The following SERINC1 variants were observed in gnomAD, a reference collection of about 807,000 sequenced individuals.
The protein encoded by SERINC1 is serine incorporator 1.
Under a neutral mutation model 52.9 loss-of-function variants are expected in SERINC1, and 38 were observed. That is an observed-to-expected ratio of 0.72 (90% CI 0.55 to 0.94). SERINC1 has a LOEUF of 0.94. SERINC1 is among the 40% of genes least tolerant of loss of function. The probability of loss-of-function intolerance (pLI) is 0.00; values close to 1 mark genes in which losing one functional copy is unlikely to be tolerated. For missense variants in SERINC1, 471 were observed against 533.9 expected, an observed-to-expected ratio of 0.88 and a Z score of 1.16; for synonymous variants, 198 against 183.1, an observed-to-expected ratio of 1.08 and a Z score of -0.66.
At position 122,443,763 on chromosome 6, in the gene SERINC1, G is replaced by A. The variant is rs1029007130; in HGVS notation, c.*1281C>T. On this transcript the variant is annotated 3_prime_UTR_variant, in exon 10 of 10. Transcript: ENST00000339697. ...ACATAAATTATCCACCAGTAATGAG[G>A]TGTAAAATCAATTATGCATGTATTT... The A allele has an allele frequency of 6.6e-6, 1 of 152,122 alleles. No homozygotes were observed. The highest frequency in any genetic ancestry group is 1.5e-5 in the Non-Finnish European group (1 of 68,016). The allele number at this position is 152,122 out of a possible 1,614,324, so 9.4% of individuals were successfully genotyped here. A position where few individuals can be genotyped will look rare whatever the true frequency, so the allele number is the denominator to read the frequency against.
Position 122,471,755 on chromosome 6 carries a change from A to G in SERINC1, c.-18T>C. The G allele has an allele frequency of 6.2e-7, 1 of 1,614,068 alleles. No homozygotes were observed. The highest frequency in any genetic ancestry group is 8.5e-7 in the Non-Finnish European group (1 of 1,179,970). ...CTCCCCATCTCCACAACGTCACAAG[A>G]GCAGCGGATACAGACAAGATGGAGA... On this transcript the variant is annotated 5_prime_UTR_variant, in exon 1 of 10. Coordinates refer to ENST00000339697, the MANE Select transcript of SERINC1 (RefSeq NM_020755.4).
At chr6:122,457,336 G>A (rs564294494) in intron 2 of SERINC1, among the ~76,000 whole-genome samples, 1 of 152,242 alleles carries the variant, frequency 6.6e-6, no homozygotes, top group Admixed American at 6.5e-5. Context: ...TGCTCACTCT[G>A]AATGATCTTC....
chr6:122,469,496 C>T (rs1775239444), intron 1 of SERINC1, among the ~76,000 whole-genome samples: 1 of 151,632 alleles, frequency 6.6e-6, no homozygotes. Context: ...CCTGCCTCAG[C>T]CACCCGAGTG....
chr6:122,464,659 A>G (rs1224254490), intron 1 of SERINC1, among the ~76,000 whole-genome samples: 1 of 152,210 alleles, frequency 6.6e-6, no homozygotes, highest in African/African-American at 2.4e-5. Context: ...TTCAAAAACC[A>G]AAGAACTTAG....
chr6:122,465,952 G>C (rs1399296256), intron 1 of SERINC1, among the ~76,000 whole-genome samples: 1 of 152,080 alleles, frequency 6.6e-6, no homozygotes, highest in African/African-American at 2.4e-5. Flanking sequence ...AAATGGAACA[G>C]AGGCCAGGAA....
rs1774951187 is a variant in SERINC1, at chr6:122,453,775, T to C, written c.584A>G (p.Tyr195Cys). 1 of 1,600,824 alleles carries C rather than the reference T, an allele frequency of 6.2e-7. No individual in the cohort carries two copies. Among genetic ancestry groups the C allele is most frequent in the Non-Finnish European group, 8.5e-7 (1 of 1,171,454 alleles). The stretch of plus-strand genomic sequence containing the variant: ...GTTCTGCGACGAAAGCTTACCTGCA[T>C]ACCAACATCTCGAGTTCCCTTCTTC... ...KMEEGNSRCW[Y>C]AALLSATALN... The change falls in exon 5 of 10, where the codon TAT (tyrosine) becomes TGT (cysteine). Residue 195 changes from tyrosine to cysteine, a missense_variant. Transcript: ENST00000339697.
intron 2 of SERINC1, among the ~76,000 whole-genome samples, chr6:122,458,165 C>A (rs1775034609): frequency 6.6e-6 from 1 of 152,078 alleles, no homozygotes; most frequent in Non-Finnish European, 1.5e-5. Flanking sequence ...AGTATAGATA[C>A]TTTGCTTGAA....
intron 2 of SERINC1, among the ~76,000 whole-genome samples, chr6:122,457,336 G>C (rs564294494): frequency 6.6e-6 from 1 of 152,124 alleles, no homozygotes; most frequent in Non-Finnish European, 1.5e-5. Context: ...TGCTCACTCT[G>C]AATGATCTTC....
intron 1 of SERINC1, among the ~76,000 whole-genome samples, 158 bp from the exon 2 acceptor site, chr6:122,458,839 T>C (rs1775049186): frequency 6.6e-6 from 1 of 152,092 alleles, no homozygotes; most frequent in Non-Finnish European, 1.5e-5. Flanking sequence ...ATATAAATTA[T>C]CTATATACCA....
At chr6:122,451,798 A>ATATAT in intron 6 of SERINC1, 44 bp from the exon 7 acceptor site, 1 of 480,728 alleles carries the variant, frequency 2.1e-6, no homozygotes, top group Non-Finnish European at 3.0e-6. Flanking sequence ...TATATATAGC[A>ATATAT]ACACAGGTAA....
intron 6 of SERINC1, 47 bp downstream of exon 6, chr6:122,451,841 T>C: frequency 7.6e-7 from 1 of 1,310,654 alleles, no homozygotes; most frequent in Non-Finnish European, 9.9e-7. Context: ...TTTTGAAAAC[T>C]TAAAAAGGTA....
intron 1 of SERINC1, among the ~76,000 whole-genome samples, chr6:122,467,870 T>C (rs1195710213): frequency 1.3e-5 from 2 of 152,130 alleles, no homozygotes; most frequent in South Asian, 2.1e-4. Flanking sequence ...TGAGGGCCAG[T>C]TGAAATCAAG....
chr6:122,451,548 G>A (rs1325293077), intron 7 of SERINC1, 116 bp downstream of exon 7: 2 of 373,196 alleles, frequency 5.4e-6, no homozygotes, highest in African/African-American at 2.2e-5. Flanking sequence ...TCAAAACTTT[G>A]TACTTTATTC....
chr6:122,460,818 G>A (rs1367710549), intron 1 of SERINC1, among the ~76,000 whole-genome samples: 1 of 152,136 alleles, frequency 6.6e-6, no homozygotes, highest in African/African-American at 2.4e-5. Context: ...TAGTATTACT[G>A]TTAAGTATAT....
chr6:122,446,295 T>C (rs1175256490), intron 9 of SERINC1, among the ~76,000 whole-genome samples: 3 of 152,168 alleles, frequency 2.0e-5, no homozygotes, highest in Admixed American at 2.0e-4. Context: ...CTTGTAGAAT[T>C]TGTAGAAATT....
chr6:122,456,420 C>G (rs1774995761), intron 3 of SERINC1, 61 bp downstream of exon 3: 2 of 1,036,470 alleles, frequency 1.9e-6, no homozygotes, highest in Non-Finnish European at 2.7e-6. Context: ...CTTGGATAAA[C>G]TGGCAATTAT....
chr6:122,457,846 C>T (rs1037865170), intron 2 of SERINC1, among the ~76,000 whole-genome samples: 2 of 151,170 alleles, frequency 1.3e-5, no homozygotes, highest in African/African-American at 4.9e-5. Flanking sequence ...ACAATACCAC[C>T]AAGTCAACAT....
intron 1 of SERINC1, among the ~76,000 whole-genome samples, chr6:122,460,367 G>A (rs112233363): frequency 5.8e-4 from 88 of 152,268 alleles, no homozygotes; most frequent in Middle Eastern, 3.4e-3. Flanking sequence ...GGCCCACCGC[G>A]CCCAGCCAAG....
intron 7 of SERINC1, among the ~76,000 whole-genome samples, chr6:122,451,136 CTTAGT>C (rs1774895474): frequency 6.6e-6 from 1 of 152,140 alleles, no homozygotes. Context: ...TCATTGTGGT[CTTAGT>C]TTAAAGATAC....
Sources: allele counts gnomAD v4.1 joint callset (sites outside exome capture counted in the v4.1 genomes callset), GRCh38; gene constraint gnomAD v4.1.1; transcripts MANE v1.5; gene names NCBI Gene and HGNC (gene_info 2026-07-23, HGNC 2026-07-21).